The following COL6A1 variants were observed in gnomAD, a reference collection of about 807,000 sequenced individuals.
The protein encoded by COL6A1 is collagen type VI alpha 1 chain.
Under a neutral mutation model 145.6 loss-of-function variants are expected in COL6A1, and 80 were observed. The ratio of observed to expected loss-of-function variants is 0.55; its 90% CI spans 0.46 to 0.66. The LOEUF (loss-of-function observed/expected upper bound fraction) is 0.66, where lower values mean the gene tolerates loss of function less well. COL6A1 is among the 30% of genes least tolerant of loss of function. The pLI is 0.00. For synonymous variants in COL6A1, 638 were observed against 622.8 expected, an observed-to-expected ratio of 1.02 and a Z score of -0.36; for missense variants, 1,364 against 1,473.8, an observed-to-expected ratio of 0.93 and a Z score of 1.22.
chr21:45,987,338 G>A (rs2077745280), intron 6 of COL6A1, 161 bp from the exon 7 acceptor site: 9 of 1,447,534 alleles, frequency 6.2e-6, no homozygotes, highest in South Asian at 2.3e-5. Flanking sequence ...GTCCCCCTGC[G>A]TGTCCACCTG....
intron 27 of COL6A1, 84 bp downstream of exon 27, chr21:45,999,776 C>A: frequency 2.7e-6 from 3 of 1,105,096 alleles, no homozygotes; most frequent in Non-Finnish European, 3.8e-6. Flanking sequence ...ATGGGTGCTC[C>A]TGTAGACGCT....
chr21:45,986,622 T>A lies in COL6A1; in HGVS notation c.525T>A (p.Ala175=), dbSNP rs761552446. ...YKEPCGGLED[A]VNEAKHLGVK... is the part of the protein sequence containing the mutation. ...AACCCTGTGGGGGGCTGGAGGATGC[T>A]GTGAACGAGGCCAAGCACCTGGGCG... The change falls in exon 4 of 35, where the codon GCT becomes GCA. Residue 175 remains alanine (A), a synonymous_variant. Coordinates refer to ENST00000361866, the MANE Select transcript of COL6A1 (RefSeq NM_001848.3). 2.6e-6 allele frequency: 4 copies of A among 1,555,060 alleles called. No homozygotes were observed. The highest frequency in any genetic ancestry group is 1.2e-5 in the South Asian group (1 of 84,322).
Position 46,000,600 on chromosome 21 carries a change from G to A in COL6A1, c.1814-159G>A, listed in dbSNP as rs533820013. ...GAGCTGCCACGTGGGGAGGGCGGCC[G>A]GGGAGGCGGGGAGGCGGGGCAGGAG... On this transcript the variant is annotated intron_variant, in intron 28 of 34. Transcript: ENST00000361866. Among the ~76,000 whole-genome samples the A allele has an allele frequency of 7.0e-5, 10 of 142,000 alleles. No homozygotes were observed. In the East Asian group the frequency reaches 1.1e-3, roughly 15 times the overall value. The allele number at this position is 142,000 out of a possible 152,430, so 93.2% of individuals were successfully genotyped here. A position where few individuals can be genotyped will look rare whatever the true frequency, so the allele number is the denominator to read the frequency against.
rs2077867146 is a variant in COL6A1 at position 46,004,140 on chromosome 21, T to G, written c.*127T>G. On this transcript the variant is annotated 3_prime_UTR_variant, in exon 35 of 35. Transcript: ENST00000361866. ...GCTAGATTTTTTTTAAGGAAAAGCT[T>G]GGAAAGCCAGGACACAACGCTGCTG... 5 of 1,359,954 alleles carry G rather than the reference T, an allele frequency of 3.7e-6. No homozygotes were observed. In the South Asian group the frequency reaches 3.9e-5, roughly 11 times the overall value. 84.2% of individuals were successfully genotyped at this position (1,359,954 alleles called of 1,614,324 possible). A position where few individuals can be genotyped will look rare whatever the true frequency, so the allele number is the denominator to read the frequency against.
chr21:45,986,913 C>G, intron 4 of COL6A1, 31 bp from the exon 5 acceptor site: 1 of 1,540,204 alleles, frequency 6.5e-7, no homozygotes, highest in Non-Finnish European at 8.7e-7. Context: ...GGTCCCAGCC[C>G]TGCTCAGCCC....
intron 13 of COL6A1, 101 bp downstream of exon 13, chr21:45,990,523 G>T: frequency 1.4e-6 from 2 of 1,469,680 alleles, no homozygotes; most frequent in Admixed American, 1.9e-5. Flanking sequence ...GGGGAGGGAT[G>T]GGGTGGACAG....
rs576689971 is a variant in COL6A1 at position 45,998,782 on chromosome 21, G to T, written c.1612-115G>T. On this transcript the variant is annotated intron_variant, in intron 24 of 34. Coordinates refer to ENST00000361866, the MANE Select transcript of COL6A1 (RefSeq NM_001848.3). ...CTCCAGCCCAGGAAATGTGTGTGGT[G>T]GGGGAAGGGAAGAGAAGAGTGCCTC... is the stretch of plus-strand genomic sequence containing the variant. 1.7e-4 allele frequency: 212 copies of T among 1,254,708 alleles called. 1 individual carries two copies. In the African/African-American group the frequency reaches 2.6e-3, roughly 16 times the overall value. The allele number at this position is 1,254,708 out of a possible 1,614,324, so 77.7% of individuals were successfully genotyped here. A position where few individuals can be genotyped will look rare whatever the true frequency, so the allele number is the denominator to read the frequency against.
chr21:45,999,766 A>G, intron 27 of COL6A1, 74 bp downstream of exon 27: 1 of 1,113,180 alleles, frequency 9.0e-7, no homozygotes, highest in Non-Finnish European at 1.3e-6. Context: ...GGTCCTGTCC[A>G]TGGGTGCTCC....
rs1410628036 is a variant in COL6A1 at position 46,004,313 on chromosome 21, T to A, written c.*300T>A. The A allele has an allele frequency of 6.2e-6, 3 of 485,476 alleles. No individual in the cohort carries two copies. The highest frequency in any genetic ancestry group is 1.1e-5 in the Non-Finnish European group (3 of 268,120). 30.1% of individuals were successfully genotyped at this position (485,476 alleles called of 1,614,324 possible). On this transcript the variant is annotated 3_prime_UTR_variant, in exon 35 of 35. Coordinates refer to ENST00000361866, the MANE Select transcript of COL6A1 (RefSeq NM_001848.3). Reference sequence around the variant, plus strand: ...CTGGCGTCACCTGTGCAGGGCCCTCTGGGGCTCAGCCCTGAGCTGGCCTCA... The same window carrying A: ...CTGGCGTCACCTGTGCAGGGCCCTCAGGGGCTCAGCCCTGAGCTGGCCTCA...
chr21:45,982,935 G>A (rs1241993272), intron 2 of COL6A1, among the ~76,000 whole-genome samples, 172 bp downstream of exon 2: 3 of 152,192 alleles, frequency 2.0e-5, no homozygotes, highest in African/African-American at 4.8e-5. Flanking sequence ...GGCCCTTTCC[G>A]GCGCCCTCCA....
rs768757964 is a variant in COL6A1, at chr21:46,003,767, G to T, written c.2841G>T (p.Ser947=). ...KRLLLFSDGN[S]QGATPAAIEK... is the part of the protein sequence containing the mutation. ...TGCTGCTCTTCTCAGATGGCAACTCGCAGGGCGCCACGCCCGCTGCCATCG... is the reference window on the plus strand; with the variant it reads ...TGCTGCTCTTCTCAGATGGCAACTCTCAGGGCGCCACGCCCGCTGCCATCG... Residue 947 remains serine (S), a synonymous_variant, in exon 35 of 35, where the codon TCG becomes TCT. Coordinates refer to ENST00000361866, the MANE Select transcript of COL6A1 (RefSeq NM_001848.3). 1.9e-6 allele frequency: 3 copies of T among 1,612,620 alleles called. No individual in the cohort carries two copies. Among genetic ancestry groups the T allele is most frequent in the East Asian group, 4.5e-5 (2 of 44,884 alleles).
rs535890172 is a variant in COL6A1 at position 46,004,687 on chromosome 21, C to T, written c.*674C>T. ...GTCTCCTGAGGGTCCTGCTGGTGAC[C>T]GGCCTGGACCTTGGCCCTACAGCCC... On this transcript the variant is annotated 3_prime_UTR_variant, in exon 35 of 35. Transcript: ENST00000361866. 4.5e-4 allele frequency: 203 copies of T among 449,956 alleles called. No homozygotes were observed. The highest frequency in any genetic ancestry group is 3.0e-3 in the African/African-American group (149 of 50,008). The allele number at this position is 449,956 out of a possible 1,614,324, so 27.9% of individuals were successfully genotyped here.
chr21:45,990,459 AG>A, intron 13 of COL6A1, 37 bp downstream of exon 13: 1 of 188,710 alleles, frequency 5.3e-6, no homozygotes. Flanking sequence ...GGGAGGGACG[AG>A]GAGGAATGGG....
chr21:45,987,433 A>C (rs1603590098), intron 6 of COL6A1, 66 bp from the exon 7 acceptor site: 1 of 1,605,894 alleles, frequency 6.2e-7, no homozygotes, highest in Admixed American at 1.7e-5. Flanking sequence ...GTCGCATGTC[A>C]CCCTGTGTCC....
chr21:45,987,549 C>T (rs764467601), intron 7 of COL6A1, 30 bp downstream of exon 7: 16 of 1,612,644 alleles, frequency 9.9e-6, no homozygotes, highest in South Asian at 5.5e-5. Context: ...CCTGACCCCG[C>T]GCCCTGCACC....
At chr21:45,988,555 G>A (rs2077756474) in intron 8 of COL6A1, among the ~76,000 whole-genome samples, 1 of 152,120 alleles carries the variant, frequency 6.6e-6, no homozygotes, top group South Asian at 2.1e-4. Context: ...GGGGGCTTCT[G>A]AGGGTGTCTC....
At chr21:45,987,573 T>A (rs1251180551) in intron 7 of COL6A1, 37 bp from the exon 8 acceptor site, 1 of 1,612,446 alleles carries the variant, frequency 6.2e-7, no homozygotes, top group African/African-American at 1.3e-5. Context: ...GGAACCTGAG[T>A]CTGGGGTCCT....
chr21:45,990,331 A>G (rs571905681), intron 12 of COL6A1, 47 bp downstream of exon 12: 3 of 1,612,422 alleles, frequency 1.9e-6, no homozygotes, highest in Admixed American at 1.7e-5. Flanking sequence ...CCACGGCAGC[A>G]TGTCTGACCT....
Position 45,989,201 on chromosome 21 carries a change from G to A in COL6A1, c.858+64G>A, listed in dbSNP as rs2077759968. Reference sequence around the variant, plus strand: ...GGAGGCGGGGAACGACTAGGCCTCGGAAACTTCCGGAAGAGTGGCTGGGTT... The same window carrying A: ...GGAGGCGGGGAACGACTAGGCCTCGAAAACTTCCGGAAGAGTGGCTGGGTT... On this transcript the variant is annotated intron_variant, in intron 9 of 34. Transcript: ENST00000361866. The A allele has an allele frequency of 2.7e-6, 4 of 1,507,806 alleles. No individual in the cohort carries two copies. The African/African-American group carries it at 4.2e-5, about 16-fold the overall frequency. The allele number at this position is 1,507,806 out of a possible 1,614,324, so 93.4% of individuals were successfully genotyped here.
Sources: allele counts gnomAD v4.1 joint callset (sites outside exome capture counted in the v4.1 genomes callset), GRCh38; gene constraint gnomAD v4.1.1; transcripts MANE v1.5; gene names NCBI Gene and HGNC (gene_info 2026-07-23, HGNC 2026-07-21).